Variants in PCDHGA8 observed in about 807,000 individuals in gnomAD.
PCDHGA8 encodes the protein protocadherin gamma subfamily A, 8, also known as protocadherin gamma-A8.
PCDHGA8 carries 45 observed loss-of-function variants against 59.2 expected under a neutral mutation model. The observed-to-expected ratio is 0.76, with a 90% confidence interval of 0.60 to 0.98. The LOEUF is 0.98. Among genes scored for constraint, PCDHGA8 ranks in the 50% least tolerant of loss-of-function variants. The pLI is 0.00. For synonymous variants in PCDHGA8, 531 were observed against 519.0 expected, an observed-to-expected ratio of 1.02 and a Z score of -0.32; for missense variants, 1,257 against 1,196.2, an observed-to-expected ratio of 1.05 and a Z score of -0.75.
intron 1 of PCDHGA8, among the ~76,000 whole-genome samples, chr5:141,464,370 T>C (rs1239284694): frequency 6.6e-6 from 1 of 151,828 alleles, no homozygotes. Context: ...CCAATATTTT[T>C]GCAATATAAA....
intron 1 of PCDHGA8, among the ~76,000 whole-genome samples, chr5:141,471,995 TG>T: frequency 6.6e-6 from 1 of 152,322 alleles, no homozygotes; most frequent in East Asian, 1.9e-4. Context: ...TAAAAATCCC[TG>T]CATCGTATAG....
At position 141,477,418 on chromosome 5, in the gene PCDHGA8, C is replaced by G. The variant is rs759728291; in HGVS notation, c.2425-17389C>G. ...GCATCACCGCCCGAGACGCCGGAAC[C>G]CCTTCCCTCTCAGCCCTTACAATAG... On this transcript the variant is annotated intron_variant, in intron 1 of 3. Transcript: ENST00000398604. This position sits in a 1 kb window ranked among gnomAD's most constrained non-coding sequence, Gnocchi z 4.9. 2 of 1,614,166 alleles carry G rather than the reference C, an allele frequency of 1.2e-6. No homozygotes were observed. Among genetic ancestry groups the G allele is most frequent in the Non-Finnish European group, 1.7e-6 (2 of 1,180,030 alleles).
At chr5:141,424,959 C>A (rs1561817087) in intron 1 of PCDHGA8, among the ~76,000 whole-genome samples, 4 of 152,152 alleles carry the variant, frequency 2.6e-5, no homozygotes, top group Non-Finnish European at 5.9e-5. Flanking sequence ...TAGGTATTTG[C>A]CCCAAATTAC....
In PCDHGA8 at chr5:141,431,304, T is replaced by G. The variant is rs749116196; in HGVS notation, c.2424+36067T>G. The G allele has an allele frequency of 7.4e-6, 12 of 1,614,104 alleles. No individual in the cohort carries two copies. Among genetic ancestry groups the G allele is most frequent in the Non-Finnish European group, 9.3e-6 (11 of 1,180,030 alleles). On this transcript the variant is annotated intron_variant, in intron 1 of 3. Coordinates refer to ENST00000398604, the MANE Select transcript of PCDHGA8 (RefSeq NM_032088.2). The surrounding 1 kb of genome is among the most constrained non-coding windows in gnomAD (Gnocchi z 4.8). ...CCGAACACTCACTTCTCCCTCATCGTGCAAAATGGAGCCGACGGTAGTAAG... is the reference window on the plus strand; with the variant it reads ...CCGAACACTCACTTCTCCCTCATCGGGCAAAATGGAGCCGACGGTAGTAAG...
At chr5:141,502,862 CTGTCT>C (rs2099816366) in intron 2 of PCDHGA8, among the ~76,000 whole-genome samples, 2 of 68,560 alleles carry the variant, frequency 2.9e-5, no homozygotes, top group Admixed American at 3.3e-4. Flanking sequence ...CCCTGACTCT[CTGTCT>C]TTTTTTTTTT....
At chr5:141,412,385 AT>A (rs1277702119) in intron 1 of PCDHGA8, 2 of 152,236 alleles carry the variant, frequency 1.3e-5, no homozygotes, top group Admixed American at 1.3e-4. Flanking sequence ...AAATAGGTCC[AT>A]TTAACTTGTA....
At chr5:141,400,760 C>G (rs1296918626) in intron 1 of PCDHGA8, 2 of 582,290 alleles carry the variant, frequency 3.4e-6, no homozygotes, top group Non-Finnish European at 6.0e-6. Context: ...TCCTCTCTAG[C>G]AAAAACATTT....
Position 141,432,029 on chromosome 5 carries a change from G to A in PCDHGA8, c.2424+36792G>A. 6.2e-7 allele frequency: 1 copy of A among 1,614,178 alleles called. No individual in the cohort carries two copies. Among genetic ancestry groups the A allele is most frequent in the South Asian group, 1.1e-5 (1 of 91,086 alleles). ...TCCTAGCTACAACATCACAGTGACC[G>A]CCACTGACCGGGGAACCCCGCCCCT... On this transcript the variant is annotated intron_variant, in intron 1 of 3. Coordinates refer to ENST00000398604, the MANE Select transcript of PCDHGA8 (RefSeq NM_032088.2). This position sits in a 1 kb window ranked among gnomAD's most constrained non-coding sequence, Gnocchi z 6.0.
chr5:141,449,804 T>C (rs991937787), intron 1 of PCDHGA8, among the ~76,000 whole-genome samples: 2 of 151,676 alleles, frequency 1.3e-5, no homozygotes, highest in Non-Finnish European at 2.9e-5. Flanking sequence ...AAATACCTCA[T>C]TGTGTATTTC....
chr5:141,465,782 T>G (rs2099109563), intron 1 of PCDHGA8, among the ~76,000 whole-genome samples: 1 of 152,076 alleles, frequency 6.6e-6, no homozygotes, highest in African/African-American at 2.4e-5. Flanking sequence ...TGTTACAGTT[T>G]TTTTTTTTTT....
rs1334965321 is a variant in PCDHGA8, at chr5:141,432,195, C to T, written c.2424+36958C>T. 3 of 1,614,088 alleles carry T rather than the reference C, an allele frequency of 1.9e-6. No homozygotes were observed. The Admixed American group carries it at 5.0e-5, about 27-fold the overall frequency. ...CTCGTCTCTGTGACCGCCCACGACC[C>T]CGACTGTGAAGAGAACGCCCAGATC... On this transcript the variant is annotated intron_variant, in intron 1 of 3. Transcript: ENST00000398604. This position sits in a 1 kb window ranked among gnomAD's most constrained non-coding sequence, Gnocchi z 6.0.
chr5:141,419,613 G>T (rs369914837), intron 1 of PCDHGA8: 144 of 1,612,020 alleles, frequency 8.9e-5, no homozygotes, highest in Admixed American at 1.5e-4. Context: ...GCGCAGCCAG[G>T]CTACCTGGTG....
intron 1 of PCDHGA8, among the ~76,000 whole-genome samples, chr5:141,469,667 T>C (rs62379201): frequency 0.22 from 32,952 of 152,218 alleles, 3,707 homozygotes; most frequent in African/African-American, 0.28. Flanking sequence ...CTTGTTCTAA[T>C]AAAACTACAT....
chr5:141,440,667 T>C (rs1330266877), intron 1 of PCDHGA8: 1 of 152,218 alleles, frequency 6.6e-6, no homozygotes, highest in East Asian at 1.9e-4. Context: ...GCAGCAACTC[T>C]ATATTTCTCT....
intron 1 of PCDHGA8, among the ~76,000 whole-genome samples, chr5:141,438,211 A>G (rs767576436): frequency 7.8e-4 from 119 of 152,308 alleles, no homozygotes; most frequent in Admixed American, 2.3e-3. Context: ...CCATATGGGA[A>G]GGGCTCTGGT....
At chr5:141,427,896 C>T in intron 1 of PCDHGA8, 2 of 1,570,508 alleles carry the variant, frequency 1.3e-6, no homozygotes, top group Non-Finnish European at 1.7e-6. Context: ...CCAGGGCTCG[C>T]CCGCGCTCAG....
intron 1 of PCDHGA8, among the ~76,000 whole-genome samples, chr5:141,401,114 CG>C (rs566829189): frequency 5.5e-4 from 84 of 152,224 alleles, no homozygotes; most frequent in African/African-American, 2.0e-3. Context: ...GAGGCCGAGG[CG>C]GTTGGATCAC....
chr5:141,490,243 G>A lies in PCDHGA8; in HGVS notation c.2425-4564G>A, dbSNP rs1431165990. 1 of 1,614,238 alleles carries A rather than the reference G, an allele frequency of 6.2e-7. No individual in the cohort carries two copies. The highest frequency in any genetic ancestry group is 8.5e-7 in the Non-Finnish European group (1 of 1,180,038). The stretch of plus-strand genomic sequence containing the variant: ...ACAGCCTGCCATGGAGGGCCACTGT[G>A]TGATTCAAGTGGATGTGGGGGATGT... On this transcript the variant is annotated intron_variant, in intron 1 of 3. Coordinates refer to ENST00000398604, the MANE Select transcript of PCDHGA8 (RefSeq NM_032088.2). This position sits in a 1 kb window ranked among gnomAD's most constrained non-coding sequence, Gnocchi z 5.4.
chr5:141,485,938 A>G lies in PCDHGA8; in HGVS notation c.2425-8869A>G. The stretch of plus-strand genomic sequence containing the variant: ...ACAGGATTAGTGTGTTGGAGAGCGC[A>G]CCAGCGGGCATGGTGCTCATCCAGC... On this transcript the variant is annotated intron_variant, in intron 1 of 3. Transcript: ENST00000398604. The surrounding 1 kb of genome is among the most constrained non-coding windows in gnomAD (Gnocchi z 5.7). 6.2e-7 allele frequency: 1 copy of G among 1,614,162 alleles called. No individual in the cohort carries two copies. The highest frequency in any genetic ancestry group is 1.3e-5 in the African/African-American group (1 of 75,028).
Sources: allele counts gnomAD v4.1 joint callset (sites outside exome capture counted in the v4.1 genomes callset), GRCh38; gene constraint gnomAD v4.1.1; non-coding constraint Gnocchi (gnomAD v3.1); transcripts MANE v1.5; gene names NCBI Gene and HGNC (gene_info 2026-07-23, HGNC 2026-07-21).